The following L3MBTL4 variants were observed in gnomAD, a reference collection of about 807,000 sequenced individuals.
L3MBTL4 encodes L3MBTL histone methyl-lysine binding protein 4, also known as lethal(3)malignant brain tumor-like protein 4.
L3MBTL4 carries 70 observed loss-of-function variants against 84.5 expected under a neutral mutation model. The observed-to-expected ratio is 0.83, with a 90% CI of 0.68 to 1.01. The LOEUF (loss-of-function observed/expected upper bound fraction) is 1.01. L3MBTL4 is among the 50% of genes least tolerant of loss of function. The probability of loss-of-function intolerance (pLI) is 0.00; values close to 1 mark genes in which losing one functional copy is unlikely to be tolerated. For synonymous variants in L3MBTL4, 274 were observed against 259.8 expected (o/e 1.05, Z -0.52); for missense variants, 715 against 754.8 (o/e 0.95, Z 0.62).
At chr18:5,963,783 T>G (rs148698023) in intron 17 of L3MBTL4, among the ~76,000 whole-genome samples, 2 of 152,242 alleles carry the variant, frequency 1.3e-5, no homozygotes, top group East Asian at 1.9e-4. Flanking sequence ...AGCTTTAGCA[T>G]AGAATAGAGT....
chr18:6,292,373 T>C (rs1599511109), intron 4 of L3MBTL4, among the ~76,000 whole-genome samples: 1 of 152,352 alleles, frequency 6.6e-6, no homozygotes, highest in East Asian at 1.9e-4. Flanking sequence ...TCCTGTCTAA[T>C]ATTTGTAAAG....
In L3MBTL4 at chr18:6,103,935, C is replaced by T. The variant is rs182145256; in HGVS notation, c.1200-10407G>A. On this transcript the variant is annotated intron_variant, in intron 14 of 18. Coordinates refer to ENST00000317931, the MANE Select transcript of L3MBTL4 (RefSeq NM_001330559.2). ...TGGGCCGAGTGTTCCCAAACACTAA[C>T]AGCTACAAGAAGATTTGCAGAGGTC... 9.9e-5 allele frequency among the ~76,000 whole-genome samples: 15 copies of T among 152,284 alleles called. No individual in the cohort carries two copies. In the East Asian group the frequency reaches 2.7e-3, roughly 27 times the overall value.
chr18:6,046,828 A>G (rs2056643353), intron 16 of L3MBTL4: 1 of 742,898 alleles, frequency 1.3e-6, no homozygotes, highest in South Asian at 1.5e-5. Flanking sequence ...ACAATCTAAT[A>G]TCACATCTAG....
At chr18:6,324,417 C>G (rs749829591) in intron 1 of L3MBTL4, among the ~76,000 whole-genome samples, 11 of 152,230 alleles carry the variant, frequency 7.2e-5, no homozygotes, top group Non-Finnish European at 1.5e-4. Flanking sequence ...TGCAGGCACT[C>G]AGTGCCAGGC....
At chr18:6,040,811 C>CTGCCATTCCCA (rs1355578384) in intron 16 of L3MBTL4, among the ~76,000 whole-genome samples, 2 of 152,194 alleles carry the variant, frequency 1.3e-5, no homozygotes, top group Non-Finnish European at 2.9e-5. Flanking sequence ...GACCCTTATC[C>CTGCCATTCCCA]TGCCATTCCC....
At chr18:6,079,483 T>G (rs1276291934) in intron 16 of L3MBTL4, among the ~76,000 whole-genome samples, 1 of 152,230 alleles carries the variant, frequency 6.6e-6, no homozygotes, top group African/African-American at 2.4e-5. Context: ...TTATACATGA[T>G]GCAGAAAAGA....
intron 17 of L3MBTL4, among the ~76,000 whole-genome samples, chr18:5,964,745 C>G (rs1033337942): frequency 1.3e-5 from 2 of 152,158 alleles, no homozygotes; most frequent in Admixed American, 1.3e-4. Context: ...CCAAGCATAC[C>G]TGAGTCATAC....
chr18:6,221,698 A>T (rs1326367510), intron 10 of L3MBTL4, among the ~76,000 whole-genome samples: 1 of 152,210 alleles, frequency 6.6e-6, no homozygotes. Context: ...AATTAGGATT[A>T]TGTGACTAGT....
intron 1 of L3MBTL4, among the ~76,000 whole-genome samples, chr18:6,347,835 G>GA (rs1482507173): frequency 6.6e-6 from 1 of 151,292 alleles, no homozygotes; most frequent in Non-Finnish European, 1.5e-5. Flanking sequence ...AAGAAAAATA[G>GA]AAAAACAATC....
intron 1 of L3MBTL4, among the ~76,000 whole-genome samples, chr18:6,400,805 A>G (rs767200383): frequency 3.3e-5 from 5 of 152,174 alleles, no homozygotes; most frequent in Non-Finnish European, 7.3e-5. Context: ...CCCAAAATCA[A>G]GCAACTGGGA....
At chr18:6,122,931 T>C (rs1598824276) in intron 14 of L3MBTL4, among the ~76,000 whole-genome samples, 1 of 152,336 alleles carries the variant, frequency 6.6e-6, no homozygotes, top group East Asian at 1.9e-4. Flanking sequence ...TTAATGCACA[T>C]TACAGAGTTT....
chr18:6,187,980 C>A (rs115363776), intron 12 of L3MBTL4, among the ~76,000 whole-genome samples: 1,787 of 151,012 alleles, frequency 0.012, 33 homozygotes, highest in African/African-American at 0.041. Context: ...TAGTTTTCTA[C>A]TTAATTTATT....
intron 16 of L3MBTL4, among the ~76,000 whole-genome samples, chr18:6,040,148 A>G (rs2056335918): frequency 6.6e-6 from 1 of 152,228 alleles, no homozygotes. Context: ...ATACCCTGCA[A>G]GGTATTTTGA....
intron 16 of L3MBTL4, among the ~76,000 whole-genome samples, chr18:6,007,543 A>G (rs1206641215): frequency 6.6e-6 from 1 of 152,218 alleles, no homozygotes; most frequent in Non-Finnish European, 1.5e-5. Context: ...ATGTTGGGTG[A>G]TTGGTTATTA....
intron 16 of L3MBTL4, chr18:6,030,939 G>A (rs755520500): frequency 1.6e-4 from 157 of 984,822 alleles, no homozygotes; most frequent in Non-Finnish European, 1.9e-4. Context: ...TAAGTTTATT[G>A]TTATGAAATA....
chr18:6,168,716 T>TA lies in L3MBTL4; in HGVS notation c.1096+3111dup, dbSNP rs1416800240. On this transcript the variant is annotated intron_variant, in intron 13 of 18. Transcript: ENST00000317931. Reference sequence around the variant, plus strand: ...GACTTACATGTTAGACCTAAAACCATAAAAACCCTAGAAGAAAACCTAGGC... The same window carrying TA: ...GACTTACATGTTAGACCTAAAACCATAAAAAACCCTAGAAGAAAACCTAGGC... 1.1e-4 allele frequency among the ~76,000 whole-genome samples: 17 copies of TA among 152,102 alleles called. No individual in the cohort carries two copies. In the East Asian group the frequency reaches 3.3e-3, roughly 29 times the overall value.
intron 16 of L3MBTL4, chr18:6,030,148 T>C: frequency 1.2e-6 from 1 of 800,752 alleles, no homozygotes. Flanking sequence ...CATACACACA[T>C]ATATTTAAAT....
At chr18:6,031,294 T>A in intron 16 of L3MBTL4, 1 of 985,512 alleles carries the variant, frequency 1.0e-6, no homozygotes, top group Non-Finnish European at 1.2e-6. Flanking sequence ...AGTGTTCTTG[T>A]GTTCCTGGGC....
intron 13 of L3MBTL4, among the ~76,000 whole-genome samples, chr18:6,163,725 C>G (rs945696965): frequency 3.3e-5 from 5 of 152,138 alleles, no homozygotes; most frequent in Admixed American, 2.0e-4. Flanking sequence ...CAAATAGGAA[C>G]AGCTCCAGTC....
Sources: gnomAD v4.1 joint callset for allele counts (sites outside exome capture counted in the v4.1 genomes callset) on GRCh38, gnomAD v4.1.1 for gene constraint, MANE v1.5 for transcripts, NCBI Gene and HGNC (gene_info 2026-07-23, HGNC 2026-07-21) for gene names.